Variants in IFT140 observed in about 807,000 individuals in gnomAD.
IFT140 encodes intraflagellar transport protein 140 homolog.
In IFT140, 133 loss-of-function variants were observed where a neutral mutation model predicts 164.6. That is an observed-to-expected ratio of 0.81 (90% CI 0.70 to 0.93). The LOEUF (loss-of-function observed/expected upper bound fraction) is 0.93. Among genes scored for constraint, IFT140 ranks in the 40% least tolerant of loss-of-function variants. The pLI is 0.00. For synonymous variants in IFT140, 860 were observed against 817.3 expected (o/e 1.05, Z -0.89); for missense variants, 2,045 against 1,972.3 (o/e 1.04, Z -0.70).
At chr16:1,584,482 G>C (rs1469624070) in intron 10 of IFT140, 62 bp from the exon 11 acceptor site, 1 of 1,344,308 alleles carries the variant, frequency 7.4e-7, no homozygotes. Flanking sequence ...GAAAGATGCG[G>C]TCAGGAGAAT....
chr16:1,522,122 G>A (rs2141156154), intron 26 of IFT140, among the ~76,000 whole-genome samples: 1 of 152,218 alleles, frequency 6.6e-6, no homozygotes, highest in South Asian at 2.1e-4. Context: ...ACTTTGGGAG[G>A]CTGAGGAGGG....
chr16:1,562,033 G>C lies in IFT140; in HGVS notation c.2151C>G (p.Ser717=). 2 of 1,612,138 alleles carry C rather than the reference G, an allele frequency of 1.2e-6. No homozygotes were observed. The highest frequency in any genetic ancestry group is 2.7e-5 in the African/African-American group (2 of 75,002). The change falls in exon 18 of 31, where the codon TCC becomes TCG. Residue 717 remains serine (S), a synonymous_variant. Coordinates refer to ENST00000426508, the MANE Select transcript of IFT140 (RefSeq NM_014714.4). The part of the protein sequence containing the change: ...LHESFPRPAT[S]HSLLGMEVPY... The stretch of plus-strand genomic sequence containing the variant: ...GCACTTCCATCCCCAGGAGACTGTG[G>C]GAGGTGGCAGGCCGGGGGAAGCTCT...
chr16:1,567,562 A>G (rs2033785996), intron 15 of IFT140, among the ~76,000 whole-genome samples: 1 of 152,166 alleles, frequency 6.6e-6, no homozygotes, highest in Non-Finnish European at 1.5e-5. Context: ...CTGCTCATCC[A>G]CAGGCAGTGG....
At chr16:1,591,455 C>CCAAG (rs2035177170) in intron 6 of IFT140, among the ~76,000 whole-genome samples, 1 of 152,224 alleles carries the variant, frequency 6.6e-6, no homozygotes, top group Non-Finnish European at 1.5e-5. Context: ...CTCTCTTCTT[C>CCAAG]CTGTCAAGAT....
At chr16:1,534,272 AGC>A in intron 19 of IFT140, 1 of 1,610,288 alleles carries the variant, frequency 6.2e-7, no homozygotes, top group South Asian at 1.1e-5. Context: ...CACCGGCGTC[AGC>A]GATGACCGTG....
intron 19 of IFT140, among the ~76,000 whole-genome samples, chr16:1,544,871 A>G (rs995030456): frequency 9.2e-5 from 14 of 151,362 alleles, no homozygotes; most frequent in African/African-American, 3.4e-4. Flanking sequence ...GATGGTCTCG[A>G]TCTCCTGACC....
intron 2 of IFT140, chr16:1,610,251 T>G (rs1345976072): frequency 6.5e-6 from 1 of 154,886 alleles, no homozygotes; most frequent in Non-Finnish European, 1.5e-5. Context: ...TGAGAAGCCA[T>G]GCGCTGGCGG....
chr16:1,576,937 T>G (rs1315414664), intron 13 of IFT140: 1 of 152,148 alleles, frequency 6.6e-6, no homozygotes, highest in Non-Finnish European at 1.5e-5. Flanking sequence ...CACTCAAGTG[T>G]TTCGAAGATC....
chr16:1,534,192 CT>C (rs1194244300), intron 19 of IFT140: 1 of 1,561,858 alleles, frequency 6.4e-7, no homozygotes. Context: ...CTAGCCACCC[CT>C]AGCAGCGTCG....
intron 19 of IFT140, among the ~76,000 whole-genome samples, chr16:1,545,631 C>T (rs763960225): frequency 2.6e-5 from 4 of 152,130 alleles, no homozygotes; most frequent in Non-Finnish European, 5.9e-5. Flanking sequence ...AAGTGAACCT[C>T]GATCCCAGGG....
chr16:1,591,484 C>G (rs561141081), intron 6 of IFT140, among the ~76,000 whole-genome samples: 1 of 152,242 alleles, frequency 6.6e-6, no homozygotes, highest in Non-Finnish European at 1.5e-5. Flanking sequence ...TTGGTGAAAC[C>G]GATAGCAAAA....
At position 1,519,710 on chromosome 16, in the gene IFT140, G is replaced by A. The variant is rs67733554; in HGVS notation, c.4040+171C>T. On this transcript the variant is annotated intron_variant, in intron 29 of 30. Transcript: ENST00000426508. The stretch of plus-strand genomic sequence containing the variant: ...AGAACACCTTCCCAAGGCTGTGCCC[G>A]GGCTCTGAGGGCTCCCAGGAGGAGG... Among the ~76,000 whole-genome samples, 12,796 of 152,214 alleles carry A rather than the reference G, an allele frequency of 0.084. 701 individuals are homozygous for A. Among genetic ancestry groups the A allele is most frequent in the African/African-American group, 0.14 (5,961 of 41,510 alleles).
At chr16:1,575,480 G>A (rs1367289948) in intron 13 of IFT140, among the ~76,000 whole-genome samples, 1 of 152,144 alleles carries the variant, frequency 6.6e-6, no homozygotes, top group African/African-American at 2.4e-5. Flanking sequence ...TTGAGCCCAG[G>A]AGGTCAAGAC....
rs1021341138 is a variant in IFT140, at chr16:1,525,442, T to C, written c.2769-116A>G. ...TCAGAGCGGTGGCCCTCGGGGTGTGTGCTCCTGGCCTGCAGCTCTGCAGAC... is the reference window on the plus strand; with the variant it reads ...TCAGAGCGGTGGCCCTCGGGGTGTGCGCTCCTGGCCTGCAGCTCTGCAGAC... On this transcript the variant is annotated intron_variant, in intron 21 of 30. Coordinates refer to ENST00000426508, the MANE Select transcript of IFT140 (RefSeq NM_014714.4). 9.0e-6 allele frequency: 7 copies of C among 777,894 alleles called. No homozygotes were observed. In the African/African-American group the frequency reaches 1.2e-4, roughly 13 times the overall value. The allele number at this position is 777,894 out of a possible 1,614,324, so 48.2% of individuals were successfully genotyped here.
intron 19 of IFT140, among the ~76,000 whole-genome samples, chr16:1,556,914 A>G (rs1223621903): frequency 1.3e-5 from 2 of 152,120 alleles, no homozygotes; most frequent in African/African-American, 2.4e-5. Flanking sequence ...GGTTCAAGCA[A>G]TTCTCCCACC....
Position 1,611,029 on chromosome 16 carries a change from G to T in IFT140, c.-221-176C>A, listed in dbSNP as rs191091199. ...CGAGGCGGAGCCTTTCCAGCACGCGGCGGTCTCGGCCCAGGCCTTCCCTGG... is the reference window on the plus strand; with the variant it reads ...CGAGGCGGAGCCTTTCCAGCACGCGTCGGTCTCGGCCCAGGCCTTCCCTGG... On this transcript the variant is annotated intron_variant, in intron 1 of 30. Coordinates refer to ENST00000426508, the MANE Select transcript of IFT140 (RefSeq NM_014714.4). Among the ~76,000 whole-genome samples, 93 of 152,360 alleles carry T rather than the reference G, an allele frequency of 6.1e-4. No homozygotes were observed. In the East Asian group the frequency reaches 0.016, roughly 26 times the overall value.
At chr16:1,522,185 C>T (rs751761485) in intron 26 of IFT140, among the ~76,000 whole-genome samples, 11 of 151,990 alleles carry the variant, frequency 7.2e-5, no homozygotes, top group African/African-American at 1.4e-4. Flanking sequence ...GGTGAAACCT[C>T]GTCTCTACTA....
intron 4 of IFT140, among the ~76,000 whole-genome samples, chr16:1,595,325 G>T (rs2035405023): frequency 6.6e-6 from 1 of 151,090 alleles, no homozygotes; most frequent in Non-Finnish European, 1.5e-5. Flanking sequence ...ATAAAATAAA[G>T]GAAACTTACA....
Position 1,592,487 on chromosome 16 carries a change from G to A in IFT140, c.471C>T (p.Phe157=). The change falls in exon 5 of 31, where the codon TTC becomes TTT. Residue 157 remains phenylalanine (F), a synonymous_variant. Transcript: ENST00000426508. Reference sequence around the variant, plus strand: ...CTTACTCGCCAGGAGGGGGGAGCCGGAAGATGCAGTGCGTGAGGTGTTTCC... The same window carrying A: ...CTTACTCGCCAGGAGGGGGGAGCCGAAAGATGCAGTGCGTGAGGTGTTTCC... ...EYGKHLTHCI[F]RLPPPGEDLV... is the part of the protein sequence containing the mutation. 10 of 1,614,240 alleles carry A rather than the reference G, an allele frequency of 6.2e-6. No individual in the cohort carries two copies. The highest frequency in any genetic ancestry group is 7.6e-6 in the Non-Finnish European group (9 of 1,180,034).
Sources: gnomAD v4.1 joint callset for allele counts (sites outside exome capture counted in the v4.1 genomes callset) on GRCh38, gnomAD v4.1.1 for gene constraint, MANE v1.5 for transcripts, NCBI Gene and HGNC (gene_info 2026-07-23, HGNC 2026-07-21) for gene names.